The following PTPN4 variants were observed in gnomAD, a reference collection of about 807,000 sequenced individuals.
PTPN4 encodes the protein protein tyrosine phosphatase non-receptor type 4, also known as tyrosine-protein phosphatase non-receptor type 4.
A neutral mutation model predicts 135.5 loss-of-function variants in PTPN4; 49 were observed. The observed-to-expected ratio is 0.36, with a 90% CI of 0.29 to 0.46. The LOEUF (loss-of-function observed/expected upper bound fraction) is 0.46. Among genes scored for constraint, PTPN4 ranks in the 20% least tolerant of loss-of-function variants. The pLI, the probability that PTPN4 is intolerant of heterozygous loss-of-function variation, is 1.00. For synonymous variants in PTPN4, 333 were observed against 369.9 expected, an observed-to-expected ratio of 0.90 and a Z score of 1.14; for missense variants, 860 against 1,101.0, an observed-to-expected ratio of 0.78 and a Z score of 3.10.
At chr2:119,959,281 A>G (rs964842578) in intron 22 of PTPN4, among the ~76,000 whole-genome samples, 5 of 151,988 alleles carry the variant, frequency 3.3e-5, no homozygotes, top group Admixed American at 1.3e-4. Flanking sequence ...CTATTTTAAC[A>G]CTTAGAAAAA....
chr2:119,806,267 A>G (rs1301015908), intron 1 of PTPN4, among the ~76,000 whole-genome samples: 4 of 152,260 alleles, frequency 2.6e-5, no homozygotes, highest in Non-Finnish European at 4.4e-5. Flanking sequence ...TGCCCCAATT[A>G]AAAGACAGAC....
At chr2:119,955,034 G>A (rs1679260461) in intron 19 of PTPN4, 123 bp from the exon 20 acceptor site, 1 of 923,140 alleles carries the variant, frequency 1.1e-6, no homozygotes, top group Non-Finnish European at 1.6e-6. Flanking sequence ...CAGATCTGGT[G>A]TAATTCTTCA....
At chr2:119,971,268 C>G (rs1186726993) in intron 26 of PTPN4, among the ~76,000 whole-genome samples, 1 of 152,132 alleles carries the variant, frequency 6.6e-6, no homozygotes, top group Non-Finnish European at 1.5e-5. Context: ...TGCATACTTT[C>G]AGACAACTAT....
At chr2:119,866,764 G>A (rs762459006) in intron 3 of PTPN4, among the ~76,000 whole-genome samples, 3 of 152,028 alleles carry the variant, frequency 2.0e-5, no homozygotes, top group Admixed American at 6.5e-5. Context: ...CAGGCTGACC[G>A]TTATTTCAAC....
chr2:119,900,709 T>G lies in PTPN4; in HGVS notation c.676-9T>G, dbSNP rs576765818. 1 of 1,505,242 alleles carries G rather than the reference T, an allele frequency of 6.6e-7. No individual in the cohort carries two copies. Among genetic ancestry groups the G allele is most frequent in the South Asian group, 1.3e-5 (1 of 78,510 alleles). The allele number at this position is 1,505,242 out of a possible 1,614,324, so 93.2% of individuals were successfully genotyped here. A position where few individuals can be genotyped will look rare whatever the true frequency, so the allele number is the denominator to read the frequency against. On this transcript the variant is annotated splice_polypyrimidine_tract_variant and intron_variant, in intron 9 of 26. Transcript: ENST00000263708. ...AGATTTATCATGTTTTTATTCATTT[T>G]TTTTGAAGGATCAGAGTAACAATGA...
At chr2:119,943,273 C>T (rs1356521165) in intron 15 of PTPN4, among the ~76,000 whole-genome samples, 2 of 152,152 alleles carry the variant, frequency 1.3e-5, no homozygotes, top group East Asian at 3.9e-4. Context: ...GTCTAGCAGC[C>T]AACCTCTCAA....
chr2:119,917,824 T>C (rs1394199625), intron 11 of PTPN4, among the ~76,000 whole-genome samples: 1 of 152,178 alleles, frequency 6.6e-6, no homozygotes, highest in African/African-American at 2.4e-5. Context: ...AACATCTTTG[T>C]TTTTAAATAC....
chr2:119,861,309 A>G lies in PTPN4; in HGVS notation c.139-1227A>G, dbSNP rs190555782. The stretch of plus-strand genomic sequence containing the variant: ...CCTGGAATGTGACATTAATCCTTCT[A>G]AATGACCTAATCACCTCTTAAAGGT... On this transcript the variant is annotated intron_variant, in intron 2 of 26. Transcript: ENST00000263708. Among the ~76,000 whole-genome samples the G allele has an allele frequency of 4.4e-4, 67 of 152,316 alleles. No homozygotes were observed. The East Asian group carries it at 0.013, about 29-fold the overall frequency.
chr2:119,897,755 A>G (rs913734967), intron 9 of PTPN4, among the ~76,000 whole-genome samples: 1 of 152,222 alleles, frequency 6.6e-6, no homozygotes, highest in African/African-American at 2.4e-5. Flanking sequence ...AGATAACTAC[A>G]TAGTTAAAGC....
At chr2:119,786,103 G>T (rs999387768) in intron 1 of PTPN4, among the ~76,000 whole-genome samples, 34 of 152,088 alleles carry the variant, frequency 2.2e-4, no homozygotes, top group African/African-American at 8.2e-4. Context: ...ATATAGCCTA[G>T]GACAGTGCTA....
At chr2:119,817,668 G>T (rs1417331934) in intron 2 of PTPN4, among the ~76,000 whole-genome samples, 1 of 152,042 alleles carries the variant, frequency 6.6e-6, no homozygotes, top group Non-Finnish European at 1.5e-5. Context: ...GGCTTCATAT[G>T]AATTTTAAAA....
intron 1 of PTPN4, among the ~76,000 whole-genome samples, chr2:119,764,289 A>G (rs1301722872): frequency 6.6e-6 from 1 of 152,202 alleles, no homozygotes; most frequent in Admixed American, 6.5e-5. Flanking sequence ...ATATTTTAAC[A>G]TGCCACCTTC....
rs190906933 is a variant in PTPN4 at position 119,840,785 on chromosome 2, C to T, written c.139-21751C>T. On this transcript the variant is annotated intron_variant, in intron 2 of 26. Coordinates refer to ENST00000263708, the MANE Select transcript of PTPN4 (RefSeq NM_002830.4). ...TTTGACTTTTTAATAGCCATTCTGACTGGTGTGAGATGGTATCTCATTGTG... is the reference window on the plus strand; with the variant it reads ...TTTGACTTTTTAATAGCCATTCTGATTGGTGTGAGATGGTATCTCATTGTG... Among the ~76,000 whole-genome samples, 19 of 152,306 alleles carry T rather than the reference C, an allele frequency of 1.2e-4. No homozygotes were observed. The East Asian group carries it at 3.3e-3, about 26-fold the overall frequency.
At chr2:119,765,203 AT>A (rs748404570) in intron 1 of PTPN4, among the ~76,000 whole-genome samples, 1 of 152,060 alleles carries the variant, frequency 6.6e-6, no homozygotes, top group South Asian at 2.1e-4. Flanking sequence ...AGTTGGTATT[AT>A]TTTTTCATTT....
At chr2:119,967,815 TG>T (rs752857184) in intron 25 of PTPN4, 21 bp from the exon 26 acceptor site, 43 of 1,573,074 alleles carry the variant, frequency 2.7e-5, no homozygotes, top group Non-Finnish European at 3.7e-5. Flanking sequence ...GGTAAGATCT[TG>T]CCTATATTTG....
intron 9 of PTPN4, among the ~76,000 whole-genome samples, chr2:119,891,758 CT>C (rs1553461400): frequency 6.6e-6 from 1 of 152,108 alleles, no homozygotes; most frequent in Non-Finnish European, 1.5e-5. Context: ...AATTTGAATT[CT>C]TTATTTCATG....
chr2:119,982,373 T>A lies in PTPN4; in HGVS notation c.*5303T>A, dbSNP rs1158871073. 1 of 152,216 alleles carries A rather than the reference T, an allele frequency of 6.6e-6. No homozygotes were observed. Among genetic ancestry groups the A allele is most frequent in the African/African-American group, 2.4e-5 (1 of 41,456 alleles). 9.4% of individuals were successfully genotyped at this position (152,216 alleles called of 1,614,324 possible). On this transcript the variant is annotated 3_prime_UTR_variant, in exon 27 of 27. Coordinates refer to ENST00000263708, the MANE Select transcript of PTPN4 (RefSeq NM_002830.4). ...TTCAAATGTCATTAGAATTATGGCTTGATTCTAAGGATACTCTATTTGTTT... is the reference window on the plus strand; with the variant it reads ...TTCAAATGTCATTAGAATTATGGCTAGATTCTAAGGATACTCTATTTGTTT...
chr2:119,808,329 C>A (rs1484641194), intron 1 of PTPN4, among the ~76,000 whole-genome samples: 1 of 152,174 alleles, frequency 6.6e-6, no homozygotes, highest in African/African-American at 2.4e-5. Context: ...TAGAAAACCC[C>A]ATCATCTCAG....
intron 13 of PTPN4, among the ~76,000 whole-genome samples, chr2:119,928,756 A>G (rs1372643375): frequency 6.6e-6 from 1 of 152,122 alleles, no homozygotes; most frequent in Non-Finnish European, 1.5e-5. Flanking sequence ...TTCCTTTCTT[A>G]ACAAGTGTCT....
Sources: allele counts gnomAD v4.1 joint callset (sites outside exome capture counted in the v4.1 genomes callset), GRCh38; gene constraint gnomAD v4.1.1; transcripts MANE v1.5; gene names NCBI Gene and HGNC (gene_info 2026-07-23, HGNC 2026-07-21).